The following PLEKHM3 variants were observed in gnomAD, a reference collection of about 807,000 sequenced individuals.
PLEKHM3 encodes the protein pleckstrin homology domain-containing family M member 3.
PLEKHM3 carries 45 observed loss-of-function variants against 81.8 expected under a neutral mutation model. The ratio of observed to expected loss-of-function variants is 0.55; its 90% confidence interval spans 0.43 to 0.71. The LOEUF is 0.71. Ranked by LOEUF, PLEKHM3 falls within the 30% of genes least tolerant of loss-of-function variation. The probability of loss-of-function intolerance (pLI) is 0.00; values close to 1 mark genes in which losing one functional copy is unlikely to be tolerated. For missense variants in PLEKHM3, 788 were observed against 924.3 expected, an observed-to-expected ratio of 0.85 and a Z score of 1.91; for synonymous variants, 352 against 356.4, an observed-to-expected ratio of 0.99 and a Z score of 0.14.
intron 4 of PLEKHM3, among the ~76,000 whole-genome samples, chr2:207,938,888 T>C (rs916510507): frequency 6.6e-6 from 1 of 152,250 alleles, no homozygotes; most frequent in African/African-American, 2.4e-5. Context: ...GATGGCTAAA[T>C]TGGTGATTTC....
chr2:207,915,074 G>A (rs1056036326), intron 5 of PLEKHM3, among the ~76,000 whole-genome samples: 3 of 152,154 alleles, frequency 2.0e-5, no homozygotes, highest in Non-Finnish European at 2.9e-5. Flanking sequence ...TTGAAGAAAC[G>A]TGCTAGAAGA....
In PLEKHM3 at chr2:207,865,801, A is replaced by AAAAT; in HGVS notation, c.1951-4540_1951-4539insATTT. 8.3e-3 allele frequency among the ~76,000 whole-genome samples: 210 copies of AAAAT among 25,258 alleles called. 41 individuals are homozygous for AAAAT. The highest frequency in any genetic ancestry group is 7.7e-3 in the Non-Finnish European group (102 of 13,180). 16.6% of individuals were successfully genotyped at this position (25,258 alleles called of 152,430 possible). On this transcript the variant is annotated intron_variant, in intron 6 of 7. Coordinates refer to ENST00000427836, the MANE Select transcript of PLEKHM3 (RefSeq NM_001080475.3). ...CGACTCAAAAAAAAAAAAAAAAAAAAAGATATATATATATATATATATATA... is the reference window on the plus strand; with the variant it reads ...CGACTCAAAAAAAAAAAAAAAAAAAAAAATAGATATATATATATATATATATATA...
chr2:207,916,731 G>C (rs1689004279), intron 5 of PLEKHM3, among the ~76,000 whole-genome samples: 1 of 151,990 alleles, frequency 6.6e-6, no homozygotes, highest in Non-Finnish European at 1.5e-5. Flanking sequence ...CCAGGTGACA[G>C]AGTGAGACTT....
At chr2:207,990,895 C>T (rs1434317981) in intron 2 of PLEKHM3, among the ~76,000 whole-genome samples, 1 of 152,156 alleles carries the variant, frequency 6.6e-6, no homozygotes, top group Non-Finnish European at 1.5e-5. Flanking sequence ...TTACCTATGT[C>T]AGCTCTAGTG....
At chr2:207,858,174 G>GTGTGTGTGTGTGTGTGTGTGTGTGTA (rs373920637) in intron 7 of PLEKHM3, among the ~76,000 whole-genome samples, 2 of 123,260 alleles carry the variant, frequency 1.6e-5, no homozygotes, top group Non-Finnish European at 3.3e-5. Flanking sequence ...GTGTGTGTGT[G>GTGTGTGTGTGTGTGTGTGTGTGTGTA]TATATATTTT....
intron 7 of PLEKHM3, chr2:207,852,900 T>C: frequency 2.4e-6 from 1 of 413,900 alleles, no homozygotes; most frequent in Non-Finnish European, 4.6e-6. Context: ...AGCTCCCTAA[T>C]ACTTTTAGAA....
chr2:207,956,361 T>C (rs1163117628), intron 3 of PLEKHM3, among the ~76,000 whole-genome samples: 1 of 151,802 alleles, frequency 6.6e-6, no homozygotes, highest in Non-Finnish European at 1.5e-5. Context: ...TAGTCCCAGC[T>C]GCTTGGGAGG....
intron 6 of PLEKHM3, among the ~76,000 whole-genome samples, chr2:207,894,075 C>T (rs535978184): frequency 1.3e-5 from 2 of 152,250 alleles, no homozygotes; most frequent in South Asian, 2.1e-4. Context: ...TGGGATCATG[C>T]ACTACATTCC....
intron 6 of PLEKHM3, among the ~76,000 whole-genome samples, chr2:207,869,221 T>G (rs1006401728): frequency 6.6e-6 from 1 of 152,224 alleles, no homozygotes; most frequent in Non-Finnish European, 1.5e-5. Flanking sequence ...GGCGGTCATT[T>G]GGTAATATGA....
chr2:208,019,647 G>A (rs1256907073), intron 1 of PLEKHM3: 1 of 152,132 alleles, frequency 6.6e-6, no homozygotes, highest in Non-Finnish European at 1.5e-5. Flanking sequence ...TTATCTGAAA[G>A]AGCTCTTCAC....
chr2:207,882,296 C>A (rs1325505750), intron 6 of PLEKHM3, among the ~76,000 whole-genome samples: 1 of 152,108 alleles, frequency 6.6e-6, no homozygotes, highest in East Asian at 1.9e-4. Flanking sequence ...TCTCTTCTCT[C>A]TCTCTCTGAA....
chr2:207,971,002 T>A (rs1026100826), intron 3 of PLEKHM3, among the ~76,000 whole-genome samples: 3 of 152,260 alleles, frequency 2.0e-5, no homozygotes, highest in Admixed American at 6.5e-5. Context: ...AGGCTCACTG[T>A]TTTTCTTGCT....
chr2:207,886,472 T>C (rs74912566), intron 6 of PLEKHM3, among the ~76,000 whole-genome samples: 3,004 of 152,350 alleles, frequency 0.02, 100 homozygotes, highest in African/African-American at 0.067. Context: ...TGTTATTTAT[T>C]TAATGCTTTA....
At chr2:208,004,417 C>CAA (rs11289003) in intron 1 of PLEKHM3, among the ~76,000 whole-genome samples, 2,336 of 143,102 alleles carry the variant, frequency 0.016, 33 homozygotes, top group Non-Finnish European at 0.025. Context: ...TGCCCTGTCT[C>CAA]AAAAAAAAAA....
intron 1 of PLEKHM3, among the ~76,000 whole-genome samples, chr2:208,013,174 A>G (rs1225094560): frequency 6.6e-6 from 1 of 152,232 alleles, no homozygotes; most frequent in Non-Finnish European, 1.5e-5. Flanking sequence ...AAGAAATCAA[A>G]AACAAAGGAA....
At chr2:207,873,182 T>A (rs1201797967) in intron 6 of PLEKHM3, among the ~76,000 whole-genome samples, 1 of 151,340 alleles carries the variant, frequency 6.6e-6, no homozygotes, top group Non-Finnish European at 1.5e-5. Flanking sequence ...TCTGTGGCAA[T>A]TTTTTTTTAA....
chr2:207,890,365 C>T (rs1016691483), intron 6 of PLEKHM3, among the ~76,000 whole-genome samples: 21 of 152,116 alleles, frequency 1.4e-4, no homozygotes, highest in Admixed American at 1.0e-3. Flanking sequence ...TGGTAGCTCA[C>T]GCCTGTAATC....
At chr2:207,882,350 G>A (rs1229128852) in intron 6 of PLEKHM3, among the ~76,000 whole-genome samples, 2 of 151,004 alleles carry the variant, frequency 1.3e-5, no homozygotes, top group South Asian at 2.1e-4. Flanking sequence ...GGTGGCTGAC[G>A]CCTGTAATCA....
chr2:207,929,535 T>A (rs1363596964), intron 5 of PLEKHM3, among the ~76,000 whole-genome samples: 1 of 152,226 alleles, frequency 6.6e-6, no homozygotes, highest in Non-Finnish European at 1.5e-5. Context: ...AAAAATCTTG[T>A]ATCTGGTTTA....
Sources: allele counts gnomAD v4.1 joint callset (sites outside exome capture counted in the v4.1 genomes callset), GRCh38; gene constraint gnomAD v4.1.1; transcripts MANE v1.5; gene names NCBI Gene and HGNC (gene_info 2026-07-23, HGNC 2026-07-21).